Variants in FGF12 observed in about 807,000 individuals in gnomAD.
FGF12 encodes the protein fibroblast growth factor 12B.
In FGF12, 14 loss-of-function variants were observed where a neutral mutation model predicts 23.6. That is an observed-to-expected ratio of 0.59 (90% CI 0.39 to 0.93). The LOEUF is 0.93. FGF12 is among the 40% of genes least tolerant of loss of function. FGF12 has a pLI of 0.00. For synonymous variants in FGF12, 62 were observed against 77.3 expected (o/e 0.80, Z 1.04); for missense variants, 175 against 217.8 (o/e 0.80, Z 1.24).
chr3:192,305,045 CAA>C (rs1165925986), intron 4 of FGF12, among the ~76,000 whole-genome samples: 1 of 151,340 alleles, frequency 6.6e-6, no homozygotes, highest in African/African-American at 2.4e-5. Flanking sequence ...GGAGCAGAAA[CAA>C]GAGAGATTAA....
At chr3:192,607,805 G>A (rs1406944683) in intron 2 of FGF12, among the ~76,000 whole-genome samples, 5 of 135,510 alleles carry the variant, frequency 3.7e-5, no homozygotes, top group Non-Finnish European at 7.8e-5. Flanking sequence ...TTCACCATGA[G>A]CAAATAAAAA....
chr3:192,150,816 T>G (rs1714011470), intron 5 of FGF12, among the ~76,000 whole-genome samples: 1 of 141,644 alleles, frequency 7.1e-6, no homozygotes, highest in African/African-American at 2.6e-5. Context: ...TTTGGTTCCA[T>G]ATGAACTTTA....
intron 2 of FGF12, among the ~76,000 whole-genome samples, chr3:192,394,032 C>G (rs1231365267): frequency 6.6e-6 from 1 of 152,186 alleles, no homozygotes; most frequent in Non-Finnish European, 1.5e-5. Context: ...ATTTCTATTG[C>G]TTAAAACTGT....
rs553468936 is a variant in FGF12 at position 192,181,353 on chromosome 3, GCACACACACAGACA to G, written c.229-10711_229-10698del. ...AAAACAGTCAAGACAAGACCTACAC[GCACACACACAGACA>G]CACACACACAGACACACACACACAC... On this transcript the variant is annotated intron_variant, in intron 4 of 5. Transcript: ENST00000445105. Among the ~76,000 whole-genome samples the G allele has an allele frequency of 6.5e-3, 961 of 147,004 alleles. 9 individuals carry two copies. The highest frequency in any genetic ancestry group is 0.024 in the African/African-American group (907 of 38,212).
At chr3:192,654,144 G>T (rs1280502536) in intron 2 of FGF12, among the ~76,000 whole-genome samples, 2 of 152,164 alleles carry the variant, frequency 1.3e-5, no homozygotes, top group African/African-American at 2.4e-5. Flanking sequence ...AAATAATAAA[G>T]TTACTTAAGA....
intron 2 of FGF12, among the ~76,000 whole-genome samples, chr3:192,677,897 T>C (rs1372772052): frequency 6.6e-6 from 1 of 152,200 alleles, no homozygotes; most frequent in Non-Finnish European, 1.5e-5. Flanking sequence ...ACTGGAGTCA[T>C]TTCCAGATTA....
intron 2 of FGF12, among the ~76,000 whole-genome samples, chr3:192,439,976 G>GAAAAAAAAAAAA (rs5855427): frequency 8.8e-6 from 1 of 114,168 alleles, no homozygotes; most frequent in African/African-American, 3.3e-5. Flanking sequence ...ACTCCATATG[G>GAAAAAAAAAAAA]AAAAAAAAAA....
intron 5 of FGF12, among the ~76,000 whole-genome samples, chr3:192,164,874 C>A (rs183326619): frequency 6.6e-6 from 1 of 152,114 alleles, no homozygotes; most frequent in Non-Finnish European, 1.5e-5. Flanking sequence ...ATTTTCTAAT[C>A]GTTTTCTAAA....
chr3:192,487,849 G>T (rs1474667097), intron 2 of FGF12, among the ~76,000 whole-genome samples: 1 of 152,028 alleles, frequency 6.6e-6, no homozygotes, highest in Non-Finnish European at 1.5e-5. Context: ...AGGGTATTAG[G>T]TCGGGAATTT....
intron 4 of FGF12, among the ~76,000 whole-genome samples, chr3:192,276,440 G>A (rs946930141): frequency 2.0e-5 from 3 of 152,128 alleles, no homozygotes; most frequent in Middle Eastern, 3.4e-3. Context: ...CTACTTTTTT[G>A]GTTACAGCTT....
intron 4 of FGF12, among the ~76,000 whole-genome samples, chr3:192,173,459 G>A (rs1322913408): frequency 7.2e-6 from 1 of 139,466 alleles, no homozygotes; most frequent in African/African-American, 2.5e-5. Context: ...ACAGAGTTTA[G>A]TCATTGCCAA....
chr3:192,655,859 A>G (rs892704425), intron 2 of FGF12, among the ~76,000 whole-genome samples: 1 of 151,960 alleles, frequency 6.6e-6, no homozygotes, highest in Non-Finnish European at 1.5e-5. Flanking sequence ...TGCAATAGAG[A>G]TGGGGGAATG....
chr3:192,484,329 A>G (rs1480517163), intron 2 of FGF12, among the ~76,000 whole-genome samples: 2 of 112,676 alleles, frequency 1.8e-5, no homozygotes, highest in African/African-American at 8.3e-5. Context: ...AAAAAAAAAA[A>G]AAAAAAAAAG....
intron 4 of FGF12, among the ~76,000 whole-genome samples, chr3:192,200,483 G>A (rs1484716179): frequency 1.3e-5 from 2 of 151,500 alleles, no homozygotes; most frequent in African/African-American, 2.5e-5. Context: ...AGATCCAAGA[G>A]ATAACATGTA....
At chr3:192,146,270 A>ATTTTTTTTTT (rs879200159) in intron 5 of FGF12, among the ~76,000 whole-genome samples, 1 of 92,164 alleles carries the variant, frequency 1.1e-5, no homozygotes. Flanking sequence ...ATTAAAGTGT[A>ATTTTTTTTTT]TATTTTTTTT....
chr3:192,278,292 C>T (rs1713925077), intron 4 of FGF12, among the ~76,000 whole-genome samples: 2 of 152,120 alleles, frequency 1.3e-5, no homozygotes, highest in Admixed American at 6.6e-5. Context: ...ATTGATTACA[C>T]TGCTCTAAAT....
At chr3:192,323,031 ACT>A (rs1428439747) in intron 4 of FGF12, among the ~76,000 whole-genome samples, 2 of 152,178 alleles carry the variant, frequency 1.3e-5, no homozygotes, top group African/African-American at 4.8e-5. Flanking sequence ...ATATCATGTC[ACT>A]CTAGTTAAAA....
At chr3:192,687,118 C>T (rs983408681) in intron 2 of FGF12, among the ~76,000 whole-genome samples, 4 of 149,572 alleles carry the variant, frequency 2.7e-5, no homozygotes, top group South Asian at 2.1e-4. Context: ...TGTGAGTCAC[C>T]GTGCCCAGCC....
intron 4 of FGF12, among the ~76,000 whole-genome samples, chr3:192,261,672 C>A (rs1577294004): frequency 6.6e-6 from 1 of 152,156 alleles, no homozygotes; most frequent in East Asian, 1.9e-4. Flanking sequence ...AAAAGGAAAT[C>A]TTTTTTGCTT....
Sources: allele counts gnomAD v4.1 joint callset (sites outside exome capture counted in the v4.1 genomes callset), GRCh38; gene constraint gnomAD v4.1.1; transcripts MANE v1.5; gene names NCBI Gene and HGNC (gene_info 2026-07-23, HGNC 2026-07-21).